The following SPATA1 variants were observed in gnomAD, a reference collection of about 807,000 sequenced individuals.
SPATA1 encodes the protein spermatogenesis-associated protein 1.
A neutral mutation model predicts 59.6 loss-of-function variants in SPATA1; 57 were observed. That is an observed-to-expected ratio of 0.96 (90% CI 0.77 to 1.19). The LOEUF (loss-of-function observed/expected upper bound fraction) is 1.19. SPATA1 is among the 50% of genes most tolerant of loss of function. SPATA1 has a pLI of 0.00. For missense variants in SPATA1, 448 were observed against 480.7 expected (o/e 0.93, Z 0.64); for synonymous variants, 147 against 163.9 (o/e 0.90, Z 0.79).
chr1:84,542,264 G>T (rs1482781356), intron 8 of SPATA1, among the ~76,000 whole-genome samples: 1 of 152,062 alleles, frequency 6.6e-6, no homozygotes, highest in Non-Finnish European at 1.5e-5. Flanking sequence ...TAAGTAAATG[G>T]GGCCTTTTGG....
At chr1:84,554,029 C>T (rs1339588484) in exon 13 of SPATA1, 1 of 152,138 alleles carries the variant, frequency 6.6e-6, no homozygotes, top group Middle Eastern at 3.2e-3. Flanking sequence ...GTAATCCCAG[C>T]TCTTTAGGAA....
At chr1:84,555,223 G>C (rs780468138), downstream of SPATA1, 394 of 1,542,360 alleles carry the variant, frequency 2.6e-4, no homozygotes, top group Non-Finnish European at 3.4e-4. Flanking sequence ...TTAAAATGGA[G>C]ATTTTAAAGT....
At chr1:84,515,288 T>G (rs1682747118) in intron 1 of SPATA1, among the ~76,000 whole-genome samples, 1 of 152,158 alleles carries the variant, frequency 6.6e-6, no homozygotes, top group Non-Finnish European at 1.5e-5. Context: ...ACATTCTAAG[T>G]TTTAATTATT....
chr1:84,513,480 A>C (rs1474913625), intron 1 of SPATA1, among the ~76,000 whole-genome samples: 1 of 152,236 alleles, frequency 6.6e-6, no homozygotes, highest in Non-Finnish European at 1.5e-5. Context: ...TCAATAGCAA[A>C]GGCTTACTCA....
chr1:84,548,744 C>G, intron 10 of SPATA1, 42 bp from the exon 11 acceptor site: 1 of 1,344,758 alleles, frequency 7.4e-7, no homozygotes, highest in South Asian at 1.7e-5. Flanking sequence ...CAAACGAAGG[C>G]CTTTCCTTTT....
At chr1:84,544,207 T>C (rs748043995) in exon 9 of SPATA1, 9 of 1,593,236 alleles carry the variant, frequency 5.6e-6, no homozygotes, top group Admixed American at 3.5e-5. Context: ...TACAGACAGC[T>C]GAAAAAGAGT....
At chr1:84,532,410 C>T (rs1373972847) in intron 6 of SPATA1, among the ~76,000 whole-genome samples, 10 of 152,054 alleles carry the variant, frequency 6.6e-5, no homozygotes, top group Admixed American at 4.6e-4. Flanking sequence ...GCAGGAGAAT[C>T]GCTTGAACCT....
chr1:84,548,555 T>A (rs574718504), intron 10 of SPATA1, among the ~76,000 whole-genome samples: 1 of 147,676 alleles, frequency 6.8e-6, no homozygotes, highest in Non-Finnish European at 1.5e-5. Flanking sequence ...TACTATAAAA[T>A]ATATATATAT....
chr1:84,510,832 T>TA (rs1682506136), intron 1 of SPATA1, among the ~76,000 whole-genome samples: 1 of 152,136 alleles, frequency 6.6e-6, no homozygotes, highest in South Asian at 2.1e-4. Flanking sequence ...CGTTCCGCCA[T>TA]AAAAAAGAAT....
At chr1:84,508,014 GC>G (rs1381193682) in intron 1 of SPATA1, among the ~76,000 whole-genome samples, 1 of 152,172 alleles carries the variant, frequency 6.6e-6, no homozygotes, top group Non-Finnish European at 1.5e-5. Flanking sequence ...TGGTATGGTG[GC>G]TCACGCCTGT....
At chr1:84,519,691 C>G (rs774477035) in intron 2 of SPATA1, among the ~76,000 whole-genome samples, 9 of 152,016 alleles carry the variant, frequency 5.9e-5, no homozygotes, top group Non-Finnish European at 1.2e-4. Flanking sequence ...TAATCATCAT[C>G]AAAAGCATAG....
intron 7 of SPATA1, 142 bp from the exon 8 acceptor site, chr1:84,533,567 C>T (rs1250780313): frequency 3.1e-6 from 2 of 654,988 alleles, no homozygotes; most frequent in South Asian, 1.9e-5. Context: ...TCTGAAAGAA[C>T]ATATGATAAT....
chr1:84,518,446 T>C (rs1305704266), intron 2 of SPATA1, among the ~76,000 whole-genome samples: 1 of 152,128 alleles, frequency 6.6e-6, no homozygotes, highest in African/African-American at 2.4e-5. Flanking sequence ...TCCTGTTTAC[T>C]TTGAATATTT....
intron 1 of SPATA1, among the ~76,000 whole-genome samples, chr1:84,510,785 A>G (rs980951552): frequency 1.3e-5 from 2 of 152,218 alleles, no homozygotes; most frequent in African/African-American, 4.8e-5. Context: ...TGAATGAATG[A>G]GTAAAGAAAA....
chr1:84,536,600 C>T (rs960996350), intron 8 of SPATA1, among the ~76,000 whole-genome samples: 2 of 152,276 alleles, frequency 1.3e-5, no homozygotes, highest in African/African-American at 4.8e-5. Flanking sequence ...CCCGCCACCA[C>T]GCCCGGCTAA....
At chr1:84,558,234 A>G (rs1684505896), downstream of SPATA1, among the ~76,000 whole-genome samples, 1 of 152,100 alleles carries the variant, frequency 6.6e-6, no homozygotes, top group Non-Finnish European at 1.5e-5. Context: ...CAATGTATAG[A>G]TATATCAAAA....
chr1:84,508,396 T>C (rs1682377450), intron 1 of SPATA1, among the ~76,000 whole-genome samples: 1 of 152,242 alleles, frequency 6.6e-6, no homozygotes. Context: ...TGTTTAGATG[T>C]TCTTTGACCT....
At chr1:84,520,612 C>T in exon 3 of SPATA1, 2 of 1,565,640 alleles carry the variant, frequency 1.3e-6, no homozygotes, top group East Asian at 2.3e-5. Context: ...TTTTTATGTC[C>T]CTGAAGGATC....
chr1:84,526,645 T>C (rs1054791525), intron 6 of SPATA1, among the ~76,000 whole-genome samples: 1 of 152,012 alleles, frequency 6.6e-6, no homozygotes, highest in South Asian at 2.1e-4. Context: ...GGTGGGTGGA[T>C]CATTTGAGCC....
Sources: allele counts gnomAD v4.1 joint callset (sites outside exome capture counted in the v4.1 genomes callset), GRCh38; gene constraint gnomAD v4.1.1; transcripts MANE v1.5; gene names NCBI Gene and HGNC (gene_info 2026-07-23, HGNC 2026-07-21).